Variants in RIMBP2 observed in about 807,000 individuals in gnomAD.
RIMBP2 encodes the protein RIMS-binding protein 2.
In RIMBP2, 48 loss-of-function variants were observed where a neutral mutation model predicts 118.6. The ratio of observed to expected loss-of-function variants is 0.40; its 90% confidence interval spans 0.32 to 0.51. The LOEUF is 0.51. Ranked by LOEUF, RIMBP2 falls within the 20% of genes least tolerant of loss-of-function variation. RIMBP2 has a pLI of 0.41. For synonymous variants in RIMBP2, 762 were observed against 742.9 expected, an observed-to-expected ratio of 1.03 and a Z score of -0.42; for missense variants, 1,551 against 1,768.3, an observed-to-expected ratio of 0.88 and a Z score of 2.20.
chr12:130,521,704 G>A lies in RIMBP2; in HGVS notation c.-216-3787C>T, dbSNP rs144214893. Among the ~76,000 whole-genome samples, 56 of 152,286 alleles carry A rather than the reference G, an allele frequency of 3.7e-4. No homozygotes were observed. The East Asian group carries it at 0.01, about 28-fold the overall frequency. ...CCCACACTGCTGGGACCCTGACGGG[G>A]AGAACTTTCTGAGCTCCAGCTGTAG... On this transcript the variant is annotated intron_variant, in intron 2 of 22. Transcript: ENST00000690449.
At chr12:130,410,181 C>T (rs983624872) in intron 19 of RIMBP2, among the ~76,000 whole-genome samples, 1 of 152,188 alleles carries the variant, frequency 6.6e-6, no homozygotes, top group African/African-American at 2.4e-5. Context: ...ACCCACATAT[C>T]GTCTTTGGCG....
chr12:130,427,406 C>T lies in RIMBP2; in HGVS notation c.2412+773G>A, dbSNP rs571451885. On this transcript the variant is annotated intron_variant, in intron 15 of 22. Coordinates refer to ENST00000690449, the MANE Select transcript of RIMBP2 (RefSeq NM_001393629.1). ...CATAGAGCTGGTCATCCCGCACTGC[C>T]CTGCAGAGCACATGAATGCGGGAGT... is the stretch of plus-strand genomic sequence containing the variant. 7 of 152,482 alleles carry T rather than the reference C, an allele frequency of 4.6e-5. No homozygotes were observed. In the South Asian group the frequency reaches 1.2e-3, roughly 27 times the overall value. 9.4% of individuals were successfully genotyped at this position (152,482 alleles called of 1,614,324 possible).
chr12:130,559,771 A>G (rs1198680235), intron 2 of RIMBP2, among the ~76,000 whole-genome samples: 3 of 152,230 alleles, frequency 2.0e-5, no homozygotes, highest in East Asian at 1.9e-4. Flanking sequence ...AAGCCACACC[A>G]TGACTGTGTC....
At chr12:130,399,834 CAGA>C in intron 21 of RIMBP2, 21 bp from the exon 22 acceptor site, 1 of 1,613,252 alleles carries the variant, frequency 6.2e-7, no homozygotes, top group South Asian at 1.1e-5. Flanking sequence ...AGGGGTGAGG[CAGA>C]AGAACTATTT....
Position 130,646,591 on chromosome 12 carries a change from C to T in RIMBP2, c.-351-18135G>A, listed in dbSNP as rs1022606358. Among the ~76,000 whole-genome samples, 20 of 151,328 alleles carry T rather than the reference C, an allele frequency of 1.3e-4. No individual in the cohort carries two copies. The East Asian group carries it at 3.1e-3, about 23-fold the overall frequency. ...GCCCCAATCCAAGGTCGCAAGCACA[C>T]GCATCTCCACAAGAAGAATGACAAC... On this transcript the variant is annotated intron_variant, in intron 1 of 22. Transcript: ENST00000690449.
chr12:130,581,817 T>C lies in RIMBP2; in HGVS notation c.-217+46505A>G, dbSNP rs959341744. ...AAGCTGTCAACATGGTGGCCAGAAG[T>C]CACAACACCAAAAAATAAGCCACAC... is the stretch of plus-strand genomic sequence containing the variant. On this transcript the variant is annotated intron_variant, in intron 2 of 22. Transcript: ENST00000690449. The surrounding 1 kb of genome is among the most constrained non-coding windows in gnomAD (Gnocchi z 4.4). Among the ~76,000 whole-genome samples the C allele has an allele frequency of 1.3e-5, 2 of 152,152 alleles. No homozygotes were observed. Among genetic ancestry groups the C allele is most frequent in the Non-Finnish European group, 2.9e-5 (2 of 68,024 alleles).
intron 2 of RIMBP2, among the ~76,000 whole-genome samples, chr12:130,613,069 T>A (rs1288528678): frequency 6.6e-6 from 1 of 152,192 alleles, no homozygotes; most frequent in Non-Finnish European, 1.5e-5. Context: ...CCCAGCTCCC[T>A]GGCCGGCAAG....
At chr12:130,686,690 C>T (rs894089691) in intron 1 of RIMBP2, among the ~76,000 whole-genome samples, 7 of 152,222 alleles carry the variant, frequency 4.6e-5, no homozygotes, top group Non-Finnish European at 1.0e-4. Flanking sequence ...CTCGGGCCTC[C>T]GCACCAGCAG....
At chr12:130,498,130 G>T (rs1303472451) in intron 4 of RIMBP2, among the ~76,000 whole-genome samples, 1 of 151,786 alleles carries the variant, frequency 6.6e-6, no homozygotes. Flanking sequence ...ACTGACTCCA[G>T]GCCTCCGGCT....
Position 130,438,528 on chromosome 12 carries a change from C to T in RIMBP2, c.1505-12G>A, listed in dbSNP as rs372260605. 104 of 1,583,960 alleles carry T rather than the reference C, an allele frequency of 6.6e-5. No homozygotes were observed. The highest frequency in any genetic ancestry group is 7.6e-5 in the Non-Finnish European group (88 of 1,164,390). On this transcript the variant is annotated splice_polypyrimidine_tract_variant and intron_variant, in intron 11 of 22. Coordinates refer to ENST00000690449, the MANE Select transcript of RIMBP2 (RefSeq NM_001393629.1). The stretch of plus-strand genomic sequence containing the variant: ...GGGTGCTGGGGGTCCTGGGAGGGGA[C>T]AGAAGGGAACGGAGGCGTTCAGGGA...
At chr12:130,590,209 A>C (rs2059170275) in intron 2 of RIMBP2, among the ~76,000 whole-genome samples, 1 of 152,174 alleles carries the variant, frequency 6.6e-6, no homozygotes, top group South Asian at 2.1e-4. Context: ...GGCTCTCAGC[A>C]CAGCACTGGA....
In RIMBP2 at chr12:130,576,421, C is replaced by T. The variant is rs976709444; in HGVS notation, c.-217+51901G>A. Among the ~76,000 whole-genome samples, 6 of 152,126 alleles carry T rather than the reference C, an allele frequency of 3.9e-5. No individual in the cohort carries two copies. Among genetic ancestry groups the T allele is most frequent in the Admixed American group, 2.6e-4 (4 of 15,282 alleles). On this transcript the variant is annotated intron_variant, in intron 2 of 22. Transcript: ENST00000690449. This position sits in a 1 kb window ranked among gnomAD's most constrained non-coding sequence, Gnocchi z 4.2. The stretch of plus-strand genomic sequence containing the variant: ...GACCCTCAGAGCCCTAAACACACTA[C>T]CCGTGGGCAGCTGGCAGGTGGCCAG...
At chr12:130,678,136 C>T (rs1179423626) in intron 1 of RIMBP2, among the ~76,000 whole-genome samples, 1 of 152,232 alleles carries the variant, frequency 6.6e-6, no homozygotes, top group Non-Finnish European at 1.5e-5. Context: ...CTGGGTGCAG[C>T]CTCTATGACC....
chr12:130,593,085 T>C (rs960220761), intron 2 of RIMBP2, among the ~76,000 whole-genome samples: 1 of 152,180 alleles, frequency 6.6e-6, no homozygotes, highest in Non-Finnish European at 1.5e-5. Context: ...ACTAGGCTCT[T>C]CCCGGGCCCA....
chr12:130,424,092 G>A lies in RIMBP2; in HGVS notation c.3129+50C>T, dbSNP rs2136745486. The A allele has an allele frequency of 3.1e-6, 3 of 983,116 alleles. No individual in the cohort carries two copies. The highest frequency in any genetic ancestry group is 3.7e-4 in the Middle Eastern group (1 of 2,732). The allele number at this position is 983,116 out of a possible 1,614,324, so 60.9% of individuals were successfully genotyped here. On this transcript the variant is annotated intron_variant, in intron 16 of 22. Transcript: ENST00000690449. This position sits in a 1 kb window ranked among gnomAD's most constrained non-coding sequence, Gnocchi z 9.8. ...AAACAGAAAACCAGTGAAAGGATGG[G>A]ACAGATTGGTTTGGCAAGCGGCTGT...
intron 1 of RIMBP2, among the ~76,000 whole-genome samples, chr12:130,634,346 G>A (rs2062207481): frequency 6.6e-6 from 1 of 152,166 alleles, no homozygotes; most frequent in Non-Finnish European, 1.5e-5. Flanking sequence ...GTGAGGAAGC[G>A]GGAGGAAAAG....
intron 20 of RIMBP2, among the ~76,000 whole-genome samples, chr12:130,406,445 C>G (rs1205132704): frequency 6.6e-6 from 1 of 152,140 alleles, no homozygotes; most frequent in Non-Finnish European, 1.5e-5. Flanking sequence ...TAATGTGCAC[C>G]TAAAAGGAAA....
At chr12:130,664,490 A>G (rs1032940791) in intron 1 of RIMBP2, among the ~76,000 whole-genome samples, 10 of 98,234 alleles carry the variant, frequency 1.0e-4, no homozygotes, top group African/African-American at 3.5e-4. Flanking sequence ...CGCATCACAC[A>G]CTCCCCATCC....
chr12:130,451,115 A>G (rs1409356979), intron 8 of RIMBP2, 80 bp downstream of exon 8: 1 of 1,486,412 alleles, frequency 6.7e-7, no homozygotes, highest in African/African-American at 1.4e-5. Flanking sequence ...GGGAAGAAAA[A>G]ACAGGACAAA....
Sources: gnomAD v4.1 joint callset for allele counts (sites outside exome capture counted in the v4.1 genomes callset) on GRCh38, gnomAD v4.1.1 for gene constraint, Gnocchi (gnomAD v3.1) non-coding constraint, MANE v1.5 for transcripts, NCBI Gene and HGNC (gene_info 2026-07-23, HGNC 2026-07-21) for gene names.